SPAG16: variants seen among roughly 807,000 people sequenced by gnomAD.
SPAG16 encodes the protein sperm-associated antigen 16 protein.
SPAG16 carries 86 observed loss-of-function variants against 80.4 expected under a neutral mutation model. That is an observed-to-expected ratio of 1.07 (90% CI 0.90 to 1.28). SPAG16 has a LOEUF of 1.28. SPAG16 is among the 50% of genes most tolerant of loss of function. The pLI, the probability that SPAG16 is intolerant of heterozygous loss-of-function variation, is 0.00. For synonymous variants in SPAG16, 294 were observed against 265.9 expected (o/e 1.11, Z -1.03); for missense variants, 870 against 765.3 (o/e 1.14, Z -1.61).
intron 14 of SPAG16, among the ~76,000 whole-genome samples, chr2:214,123,498 C>A (rs905143443): frequency 1.3e-5 from 2 of 151,996 alleles, no homozygotes; most frequent in Non-Finnish European, 2.9e-5. Context: ...TTCTACTTAG[C>A]AACCCTTTAC....
At chr2:214,146,321 G>A (rs1205811718) in intron 14 of SPAG16, among the ~76,000 whole-genome samples, 2 of 152,114 alleles carry the variant, frequency 1.3e-5, no homozygotes, top group Non-Finnish European at 2.9e-5. Context: ...TTGGCAGATG[G>A]CCCTCCAATT....
intron 11 of SPAG16, among the ~76,000 whole-genome samples, chr2:213,909,566 A>G (rs1055853507): frequency 6.6e-6 from 1 of 151,954 alleles, no homozygotes; most frequent in Non-Finnish European, 1.5e-5. Flanking sequence ...CCTCAGAAAT[A>G]ACGCCGCATA....
At position 213,904,446 on chromosome 2, in the gene SPAG16, A is replaced by G. The variant is rs142703383; in HGVS notation, c.1215-25514A>G. Among the ~76,000 whole-genome samples, 196 of 152,162 alleles carry G rather than the reference A, an allele frequency of 1.3e-3. 2 individuals carry two copies. Among genetic ancestry groups the G allele is most frequent in the Non-Finnish European group, 2.4e-3 (165 of 67,998 alleles). On this transcript the variant is annotated intron_variant, in intron 11 of 15. Coordinates refer to ENST00000331683, the MANE Select transcript of SPAG16 (RefSeq NM_024532.5). ...GATATCAAGAGACTTATTCACTACC[A>G]TTAGAATAGTATGGGGGAAACCATC...
chr2:213,786,586 A>C (rs1374307117), intron 10 of SPAG16, among the ~76,000 whole-genome samples: 1 of 152,224 alleles, frequency 6.6e-6, no homozygotes, highest in Admixed American at 6.5e-5. Flanking sequence ...ATGTAATTTA[A>C]TTAAACTTGG....
rs574012434 is a variant in SPAG16, at chr2:213,930,240, C to T, written c.1400+95C>T. 1.3e-3 allele frequency: 1,137 copies of T among 858,400 alleles called. 2 individuals are homozygous for T. Among genetic ancestry groups the T allele is most frequent in the Admixed American group, 1.9e-3 (60 of 31,382 alleles). The allele number at this position is 858,400 out of a possible 1,614,324, so 53.2% of individuals were successfully genotyped here. On this transcript the variant is annotated intron_variant, in intron 12 of 15. Transcript: ENST00000331683. ...TTTTTTTTTTTTCCTTGATGCTACC[C>T]CAGGGAAACATTAAAAGAAACTGTT...
intron 14 of SPAG16, among the ~76,000 whole-genome samples, chr2:214,118,710 G>T (rs752584128): frequency 6.6e-6 from 1 of 152,018 alleles, no homozygotes; most frequent in Non-Finnish European, 1.5e-5. Flanking sequence ...GACATATGGC[G>T]ATTATGGGAA....
At chr2:214,274,592 A>G (rs900335980) in intron 15 of SPAG16, among the ~76,000 whole-genome samples, 3 of 152,178 alleles carry the variant, frequency 2.0e-5, no homozygotes, top group African/African-American at 4.8e-5. Flanking sequence ...TATGTGATGG[A>G]GTATGTTCAA....
At chr2:214,407,352 A>T (rs1702050127) in intron 15 of SPAG16, among the ~76,000 whole-genome samples, 1 of 152,124 alleles carries the variant, frequency 6.6e-6, no homozygotes, top group African/African-American at 2.4e-5. Context: ...AAAAGATTTA[A>T]AGTAAAAATA....
intron 11 of SPAG16, among the ~76,000 whole-genome samples, chr2:213,867,217 C>G (rs2075724548): frequency 6.6e-6 from 1 of 152,170 alleles, no homozygotes; most frequent in Admixed American, 6.6e-5. Context: ...ATAAAGCACT[C>G]TTTGCATTTA....
At chr2:214,275,676 G>C (rs10168152) in intron 15 of SPAG16, among the ~76,000 whole-genome samples, 72 of 152,238 alleles carry the variant, frequency 4.7e-4, no homozygotes, top group African/African-American at 1.7e-3. Flanking sequence ...TGTGATTTCT[G>C]TTCTTTTACA....
intron 10 of SPAG16, among the ~76,000 whole-genome samples, chr2:213,543,280 A>G (rs1239084120): frequency 1.3e-5 from 2 of 151,948 alleles, no homozygotes; most frequent in African/African-American, 2.4e-5. Context: ...CTATTTCTCT[A>G]TTAGACTCTC....
At chr2:214,386,406 A>AAAAG (rs1366447072) in intron 15 of SPAG16, among the ~76,000 whole-genome samples, 2 of 152,216 alleles carry the variant, frequency 1.3e-5, no homozygotes, top group Non-Finnish European at 2.9e-5. Context: ...CTCAAGAGAA[A>AAAAG]AAAGAAAAAA....
chr2:213,408,333 G>A (rs1425543019), intron 9 of SPAG16, among the ~76,000 whole-genome samples: 3 of 152,154 alleles, frequency 2.0e-5, no homozygotes, highest in African/African-American at 7.2e-5. Flanking sequence ...TCTGCGGATG[G>A]CCAAATGCAT....
At chr2:214,306,523 G>C (rs1241371892) in intron 15 of SPAG16, among the ~76,000 whole-genome samples, 1 of 152,038 alleles carries the variant, frequency 6.6e-6, no homozygotes, top group African/African-American at 2.4e-5. Flanking sequence ...TGTAATAGAT[G>C]GATTTTATTA....
chr2:213,615,516 G>T (rs2061564431), intron 10 of SPAG16, among the ~76,000 whole-genome samples: 1 of 152,164 alleles, frequency 6.6e-6, no homozygotes, highest in African/African-American at 2.4e-5. Flanking sequence ...GCTTGAACCT[G>T]AGAGGCGGAG....
At chr2:214,190,020 T>G (rs2057607536) in intron 15 of SPAG16, among the ~76,000 whole-genome samples, 1 of 152,120 alleles carries the variant, frequency 6.6e-6, no homozygotes, top group African/African-American at 2.4e-5. Context: ...TGAAATTATC[T>G]TCCAGTTTCC....
intron 13 of SPAG16, among the ~76,000 whole-genome samples, chr2:214,022,322 A>G (rs1392161200): frequency 6.6e-6 from 1 of 152,088 alleles, no homozygotes; most frequent in Non-Finnish European, 1.5e-5. Flanking sequence ...ATATAGCACG[A>G]TAGGAACATG....
At chr2:213,982,047 A>G (rs993720994) in intron 12 of SPAG16, among the ~76,000 whole-genome samples, 1 of 151,848 alleles carries the variant, frequency 6.6e-6, no homozygotes, top group Non-Finnish European at 1.5e-5. Context: ...AGCAACTGAT[A>G]TATGTTATAG....
chr2:214,102,119 T>G (rs1009823294), intron 13 of SPAG16, among the ~76,000 whole-genome samples: 3 of 151,406 alleles, frequency 2.0e-5, no homozygotes, highest in Admixed American at 6.6e-5. Context: ...GTTTTTTGTT[T>G]TTTTTTTTTT....
Sources: gnomAD v4.1 joint callset for allele counts (sites outside exome capture counted in the v4.1 genomes callset) on GRCh38, gnomAD v4.1.1 for gene constraint, MANE v1.5 for transcripts, NCBI Gene and HGNC (gene_info 2026-07-23, HGNC 2026-07-21) for gene names.